Variants in ADAMTSL1 observed in about 807,000 individuals in gnomAD.
ADAMTSL1 encodes ADAMTS like 1, also known as ADAMTS-like protein 1.
In ADAMTSL1, 126 loss-of-function variants were observed where a neutral mutation model predicts 201.8. That is an observed-to-expected ratio of 0.62 (90% CI 0.54 to 0.72). ADAMTSL1 has a LOEUF of 0.72. ADAMTSL1 is among the 30% of genes least tolerant of loss of function. The probability of loss-of-function intolerance (pLI) is 0.00; values close to 1 mark genes in which losing one functional copy is unlikely to be tolerated. For synonymous variants in ADAMTSL1, 1,121 were observed against 903.4 expected (o/e 1.24, Z -4.32); for missense variants, 2,679 against 2,277.8 (o/e 1.18, Z -3.59).
At chr9:18,318,737 A>C (rs1225648186) in intron 2 of ADAMTSL1, among the ~76,000 whole-genome samples, 1 of 151,896 alleles carries the variant, frequency 6.6e-6, no homozygotes, top group Non-Finnish European at 1.5e-5. Flanking sequence ...TTTTTTTTCA[A>C]ATATGGTTTT....
At chr9:18,099,679 C>A (rs1375411254) in intron 1 of ADAMTSL1, among the ~76,000 whole-genome samples, 1 of 147,360 alleles carries the variant, frequency 6.8e-6, no homozygotes, top group East Asian at 2.0e-4. Context: ...GCTCTGTTGC[C>A]CAGACTTGAA....
At chr9:18,221,596 T>G (rs1233586959) in intron 2 of ADAMTSL1, among the ~76,000 whole-genome samples, 4 of 152,228 alleles carry the variant, frequency 2.6e-5, no homozygotes, top group Admixed American at 2.0e-4. Context: ...GTTCTTTTGC[T>G]ACATTATGCA....
intron 1 of ADAMTSL1, among the ~76,000 whole-genome samples, chr9:18,145,458 C>A (rs1476533551): frequency 6.6e-6 from 1 of 152,094 alleles, no homozygotes; most frequent in African/African-American, 2.4e-5. Context: ...TTTTATTAAT[C>A]CATTAATAAC....
At chr9:18,518,151 C>G (rs942656162) in intron 2 of ADAMTSL1, among the ~76,000 whole-genome samples, 2 of 152,168 alleles carry the variant, frequency 1.3e-5, no homozygotes, top group African/African-American at 4.8e-5. Context: ...AAAATATTTA[C>G]TATTTTTTAT....
intron 20 of ADAMTSL1, among the ~76,000 whole-genome samples, chr9:18,814,139 T>A (rs550182854): frequency 4.6e-5 from 7 of 152,366 alleles, no homozygotes; most frequent in African/African-American, 1.7e-4. Flanking sequence ...AGATTAGTGA[T>A]GTTGAGCATA....
chr9:18,318,417 G>C (rs1410585352), intron 2 of ADAMTSL1, among the ~76,000 whole-genome samples: 1 of 152,184 alleles, frequency 6.6e-6, no homozygotes. Context: ...TGCCACACCA[G>C]ACCCACTGAA....
At chr9:18,881,596 G>A (rs779568632) in intron 23 of ADAMTSL1, among the ~76,000 whole-genome samples, 14 of 152,184 alleles carry the variant, frequency 9.2e-5, no homozygotes, top group African/African-American at 1.9e-4. Flanking sequence ...ACACATAACC[G>A]TAACAGATAA....
intron 2 of ADAMTSL1, among the ~76,000 whole-genome samples, chr9:18,299,003 C>G (rs1433019155): frequency 1.6e-5 from 2 of 126,526 alleles, no homozygotes; most frequent in African/African-American, 2.8e-5. Context: ...CAGAGCCAGA[C>G]TCCGTCTCAA....
At chr9:18,046,907 A>T (rs1051843040) in intron 1 of ADAMTSL1, among the ~76,000 whole-genome samples, 1 of 152,144 alleles carries the variant, frequency 6.6e-6, no homozygotes, top group African/African-American at 2.4e-5. Flanking sequence ...CAAGATAAAG[A>T]GACTGAATTT....
chr9:18,795,577 G>A (rs938370469), intron 20 of ADAMTSL1, 53 bp downstream of exon 20: 1 of 1,535,602 alleles, frequency 6.5e-7, no homozygotes, highest in Non-Finnish European at 8.8e-7. Context: ...TTGAATGAGT[G>A]CCTATAGTGT....
chr9:18,298,515 A>G (rs1281076769), intron 2 of ADAMTSL1, among the ~76,000 whole-genome samples: 1 of 152,098 alleles, frequency 6.6e-6, no homozygotes, highest in Non-Finnish European at 1.5e-5. Flanking sequence ...AGAATATTTG[A>G]GTAAAAGACG....
chr9:18,009,778 T>G (rs1175775284), intron 1 of ADAMTSL1, among the ~76,000 whole-genome samples: 2 of 152,014 alleles, frequency 1.3e-5, no homozygotes. Flanking sequence ...AGAAGAATAT[T>G]CTAACTTAAT....
chr9:18,700,205 TA>T (rs1471916096), intron 13 of ADAMTSL1, among the ~76,000 whole-genome samples: 1 of 152,250 alleles, frequency 6.6e-6, no homozygotes, highest in Non-Finnish European at 1.5e-5. Flanking sequence ...TTATAGATTT[TA>T]CAAGTAATTT....
At chr9:18,524,851 T>C (rs976327543) in intron 2 of ADAMTSL1, among the ~76,000 whole-genome samples, 1 of 152,212 alleles carries the variant, frequency 6.6e-6, no homozygotes, top group Non-Finnish European at 1.5e-5. Flanking sequence ...GCCAGTATTT[T>C]ATTGAGGATT....
intron 25 of ADAMTSL1, among the ~76,000 whole-genome samples, chr9:18,892,045 A>G (rs1829308955): frequency 6.6e-6 from 1 of 152,174 alleles, no homozygotes; most frequent in African/African-American, 2.4e-5. Flanking sequence ...CTCCACATTC[A>G]GCCTTCATGG....
chr9:18,507,568 T>A (rs1432665928), intron 2 of ADAMTSL1, among the ~76,000 whole-genome samples: 1 of 152,172 alleles, frequency 6.6e-6, no homozygotes, highest in Non-Finnish European at 1.5e-5. Flanking sequence ...ATACTTTAGT[T>A]TTTATGGCAA....
chr9:18,073,504 G>A (rs1823056101), intron 1 of ADAMTSL1, among the ~76,000 whole-genome samples: 1 of 152,180 alleles, frequency 6.6e-6, no homozygotes, highest in Non-Finnish European at 1.5e-5. Context: ...AGTGGTGTTT[G>A]CACTTGGGGG....
chr9:18,184,669 C>G (rs904722816), intron 2 of ADAMTSL1, among the ~76,000 whole-genome samples: 1 of 152,190 alleles, frequency 6.6e-6, no homozygotes, highest in Admixed American at 6.5e-5. Context: ...GAATAACAAA[C>G]TCGTCTCATG....
intron 25 of ADAMTSL1, among the ~76,000 whole-genome samples, chr9:18,890,378 G>A (rs35233264): frequency 0.17 from 26,080 of 152,152 alleles, 2,880 homozygotes; most frequent in Non-Finnish European, 0.24. Context: ...GAGTCCCCCT[G>A]TGCACCTCAT....
Sources: gnomAD v4.1 joint callset for allele counts (sites outside exome capture counted in the v4.1 genomes callset) on GRCh38, gnomAD v4.1.1 for gene constraint, MANE v1.5 for transcripts, NCBI Gene and HGNC (gene_info 2026-07-23, HGNC 2026-07-21) for gene names.